Variants in CDH4 observed in about 807,000 individuals in gnomAD.
CDH4 encodes the protein cadherin 4.
CDH4 carries 33 observed loss-of-function variants against 86.0 expected under a neutral mutation model. The ratio of observed to expected loss-of-function variants is 0.38; its 90% confidence interval spans 0.29 to 0.51. The LOEUF (loss-of-function observed/expected upper bound fraction) is 0.51, where lower values mean the gene tolerates loss of function less well. CDH4 is among the 20% of genes least tolerant of loss of function. The pLI, the probability that CDH4 is intolerant of heterozygous loss-of-function variation, is 0.86. For synonymous variants in CDH4, 555 were observed against 549.4 expected, an observed-to-expected ratio of 1.01 and a Z score of -0.14; for missense variants, 1,114 against 1,307.4, an observed-to-expected ratio of 0.85 and a Z score of 2.28.
rs561994714 is a variant in CDH4, at chr20:61,391,928, C to T, written c.169+136991C>T. On this transcript the variant is annotated intron_variant, in intron 2 of 15. Coordinates refer to ENST00000614565, the MANE Select transcript of CDH4 (RefSeq NM_001794.5). ...GATTTTTTTCTGCCAGGTACACTTC[C>T]CCCTGCCTGCATTGTGCAGAAAGGC... is the stretch of plus-strand genomic sequence containing the variant. Among the ~76,000 whole-genome samples, 3 of 152,094 alleles carry T rather than the reference C, an allele frequency of 2.0e-5. No homozygotes were observed. In the East Asian group the frequency reaches 5.8e-4, roughly 30 times the overall value.
Position 61,894,917 on chromosome 20 carries a change from A to G in CDH4, c.1058A>G (p.Gln353Arg). The change falls in exon 8 of 16, where the codon CAG becomes CGG. Residue 353 changes from glutamine (Q) to arginine (R), a missense_variant. By Grantham distance (43) the Gln-to-Arg change is conservative. Transcript: ENST00000614565. The stretch of plus-strand genomic sequence containing the variant: ...CTGGTGTCTCCCTTCCAGAAAGTTC[A>G]GCAGTACACAGTCATCGTTCAGGCC... ...VAAGLDREKVQQYTVIVQATD... is the reference protein window; with the variant it reads ...VAAGLDREKVRQYTVIVQATD... 1 of 1,612,540 alleles carries G rather than the reference A, an allele frequency of 6.2e-7. No individual in the cohort carries two copies. Among genetic ancestry groups the G allele is most frequent in the South Asian group, 1.1e-5 (1 of 90,754 alleles).
At chr20:61,278,630 A>G (rs1308394518) in intron 2 of CDH4, among the ~76,000 whole-genome samples, 1 of 152,252 alleles carries the variant, frequency 6.6e-6, no homozygotes, top group Non-Finnish European at 1.5e-5. Flanking sequence ...AGTGTCTACA[A>G]TAATTGTTCT....
At chr20:61,331,639 C>CTG (rs1568801149) in intron 2 of CDH4, among the ~76,000 whole-genome samples, 885 of 4,922 alleles carry the variant, frequency 0.18, 1 homozygote, top group Admixed American at 0.25. Context: ...TGCCCCAGAC[C>CTG]CACCTCCCGC....
chr20:61,565,062 T>TGTGGTGGTGG (rs2086254186), intron 2 of CDH4, among the ~76,000 whole-genome samples: 6 of 101,218 alleles, frequency 5.9e-5, no homozygotes, highest in Admixed American at 1.0e-4. Flanking sequence ...GGTGGTGCTC[T>TGTGGTGGTGG]TGGTGGTGGT....
At position 61,708,162 on chromosome 20, in the gene CDH4, G is replaced by A. The variant is rs377313257; in HGVS notation, c.170-35401G>A. 1.1e-3 allele frequency among the ~76,000 whole-genome samples: 171 copies of A among 152,240 alleles called. 4 individuals carry two copies. The South Asian group carries it at 0.022, about 19-fold the overall frequency. On this transcript the variant is annotated intron_variant, in intron 2 of 15. Transcript: ENST00000614565. This position sits in a 1 kb window ranked among gnomAD's most constrained non-coding sequence, Gnocchi z 4.5. ...CAGCAGTGGTTTCAGGCAACAGCCCGGGAGGAAAACCTAGGAAGAAGGGCT... is the reference window on the plus strand; with the variant it reads ...CAGCAGTGGTTTCAGGCAACAGCCCAGGAGGAAAACCTAGGAAGAAGGGCT...
intron 2 of CDH4, among the ~76,000 whole-genome samples, chr20:61,659,910 T>C (rs1391344022): frequency 6.6e-6 from 1 of 152,218 alleles, no homozygotes; most frequent in Non-Finnish European, 1.5e-5. Flanking sequence ...GCTTCCTCAG[T>C]CTGTCCCCAC....
At chr20:61,428,025 A>C (rs1474198445) in intron 2 of CDH4, among the ~76,000 whole-genome samples, 1 of 152,162 alleles carries the variant, frequency 6.6e-6, no homozygotes, top group East Asian at 1.9e-4. Flanking sequence ...AAGATGGTGC[A>C]TGGTATTCCC....
chr20:61,609,952 G>T (rs2086672576), intron 2 of CDH4, among the ~76,000 whole-genome samples: 1 of 152,102 alleles, frequency 6.6e-6, no homozygotes, highest in Non-Finnish European at 1.5e-5. Context: ...AGGATCATCG[G>T]GGTACCCATC....
At chr20:61,604,781 G>T (rs1600800241) in intron 2 of CDH4, among the ~76,000 whole-genome samples, 3 of 152,180 alleles carry the variant, frequency 2.0e-5, no homozygotes, top group African/African-American at 7.2e-5. Flanking sequence ...CCATCCAGCA[G>T]CTTGCACTAA....
intron 2 of CDH4, among the ~76,000 whole-genome samples, chr20:61,560,910 G>A (rs1255649190): frequency 6.6e-6 from 1 of 152,200 alleles, no homozygotes; most frequent in Admixed American, 6.5e-5. Flanking sequence ...CCCCAACCCG[G>A]ATGAGAGGGA....
intron 2 of CDH4, among the ~76,000 whole-genome samples, chr20:61,404,920 C>T (rs1294177641): frequency 6.6e-6 from 1 of 152,034 alleles, no homozygotes; most frequent in Admixed American, 6.5e-5. Context: ...CATGGTGGCA[C>T]GTGCCTGTAG....
intron 2 of CDH4, among the ~76,000 whole-genome samples, chr20:61,281,703 C>T (rs930132786): frequency 3.3e-5 from 5 of 152,242 alleles, no homozygotes; most frequent in Non-Finnish European, 5.9e-5. Flanking sequence ...GGGGGCAAGG[C>T]TGACCACAAA....
intron 4 of CDH4, among the ~76,000 whole-genome samples, chr20:61,780,529 G>GC (rs1978483279): frequency 6.6e-6 from 1 of 152,198 alleles, no homozygotes; most frequent in Non-Finnish European, 1.5e-5. Context: ...CGGCCCTAGT[G>GC]CCTACCTCTG....
intron 3 of CDH4, among the ~76,000 whole-genome samples, chr20:61,751,501 A>G (rs576375529): frequency 6.6e-6 from 1 of 152,350 alleles, no homozygotes; most frequent in East Asian, 1.9e-4. Context: ...TCATACTACA[A>G]AATCCACCCA....
chr20:61,853,243 C>A (rs1982822592), intron 6 of CDH4, among the ~76,000 whole-genome samples: 1 of 152,052 alleles, frequency 6.6e-6, no homozygotes, highest in African/African-American at 2.4e-5. Context: ...TGAGGTGGAG[C>A]AGCTCCCGGA....
intron 2 of CDH4, chr20:61,717,950 C>G (rs992839461): frequency 2.4e-4 from 36 of 152,280 alleles, no homozygotes; most frequent in African/African-American, 8.4e-4. Flanking sequence ...GAGCCCACCG[C>G]CTGAGGTCAA....
At chr20:61,915,000 A>G (rs1000985648) in intron 9 of CDH4, among the ~76,000 whole-genome samples, 13 of 152,124 alleles carry the variant, frequency 8.5e-5, no homozygotes, top group Non-Finnish European at 1.2e-4. Context: ...CCAGGCCCCA[A>G]TGTGATCAGC....
intron 2 of CDH4, among the ~76,000 whole-genome samples, chr20:61,648,568 T>C (rs1257863336): frequency 6.6e-6 from 1 of 152,198 alleles, no homozygotes; most frequent in Non-Finnish European, 1.5e-5. Flanking sequence ...ATGAGCTTGC[T>C]CTCGCCCATC....
rs185378889 is a variant in CDH4 at position 61,757,360 on chromosome 20, C to T, written c.396+13571C>T. ...TGTAACTCTTCATGGGTGCGAAGGA[C>T]GGGAGTGACTATTGGAATTGGTCTT... On this transcript the variant is annotated intron_variant, in intron 3 of 15. Transcript: ENST00000614565. Among the ~76,000 whole-genome samples, 14 of 152,324 alleles carry T rather than the reference C, an allele frequency of 9.2e-5. No individual in the cohort carries two copies. The East Asian group carries it at 1.5e-3, about 17-fold the overall frequency.
Sources: gnomAD v4.1 joint callset for allele counts (sites outside exome capture counted in the v4.1 genomes callset) on GRCh38, gnomAD v4.1.1 for gene constraint, Gnocchi (gnomAD v3.1) non-coding constraint, MANE v1.5 for transcripts, NCBI Gene and HGNC (gene_info 2026-07-23, HGNC 2026-07-21) for gene names.